The following FAM118A variants were observed in gnomAD, a reference collection of about 807,000 sequenced individuals.
FAM118A encodes protein FAM118A.
FAM118A carries 25 observed loss-of-function variants against 38.2 expected under a neutral mutation model. The observed-to-expected ratio is 0.65, with a 90% confidence interval of 0.48 to 0.91. The LOEUF is 0.91. Ranked by LOEUF, FAM118A falls within the 40% of genes least tolerant of loss-of-function variation. The pLI is 0.00. For missense variants in FAM118A, 425 were observed against 463.3 expected (o/e 0.92, Z 0.76); for synonymous variants, 178 against 184.1 (o/e 0.97, Z 0.27).
In FAM118A at chr22:45,335,332, C is replaced by G; in HGVS notation, c.938-18C>G. 1 of 1,614,206 alleles carries G rather than the reference C, an allele frequency of 6.2e-7. No individual in the cohort carries two copies. Among genetic ancestry groups the G allele is most frequent in the African/African-American group, 1.3e-5 (1 of 75,060 alleles). ...CTTGGTGTCTCGGCTCCACTGACTG[C>G]TTTTCTTTCTCCTTCAGATGCTGAT... On this transcript the variant is annotated intron_variant, in intron 6 of 8. Transcript: ENST00000441876.
chr22:45,326,157 G>C (rs1003942760), intron 3 of FAM118A, among the ~76,000 whole-genome samples: 6 of 152,072 alleles, frequency 3.9e-5, no homozygotes, highest in African/African-American at 7.2e-5. Context: ...AGGGGACCCT[G>C]TGTCCTCCTG....
chr22:45,336,789 G>A (rs1263925628), intron 8 of FAM118A, among the ~76,000 whole-genome samples: 4 of 152,340 alleles, frequency 2.6e-5, no homozygotes, highest in East Asian at 3.9e-4. Flanking sequence ...ATCACACGCA[G>A]TTGAGGAAGC....
chr22:45,311,563 T>G (rs547279866), intron 1 of FAM118A, among the ~76,000 whole-genome samples: 1 of 151,984 alleles, frequency 6.6e-6, no homozygotes, highest in South Asian at 2.1e-4. Flanking sequence ...AAAGAGGGTG[T>G]GATTCTGAGA....
At chr22:45,311,777 G>T (rs948279911) in intron 1 of FAM118A, among the ~76,000 whole-genome samples, 15 of 152,170 alleles carry the variant, frequency 9.9e-5, no homozygotes, top group African/African-American at 3.6e-4. Flanking sequence ...CAAGGCGGTG[G>T]TAGTGGGGGA....
intron 6 of FAM118A, among the ~76,000 whole-genome samples, 183 bp downstream of exon 6, chr22:45,332,893 G>A (rs1171956667): frequency 1.3e-5 from 2 of 151,962 alleles, no homozygotes; most frequent in Non-Finnish European, 2.9e-5. Flanking sequence ...ACAGGCATGC[G>A]CCACCATGCC....
chr22:45,309,667 G>T (rs1323004055), upstream of FAM118A: 1 of 152,326 alleles, frequency 6.6e-6, no homozygotes, highest in Non-Finnish European at 1.5e-5. Flanking sequence ...CTAGGACGCG[G>T]ACTCTAGGCC....
rs1156342681 is a variant in FAM118A, at chr22:45,322,953, C to G, written c.48-222C>G. On this transcript the variant is annotated intron_variant, in intron 2 of 8. Coordinates refer to ENST00000441876, the MANE Select transcript of FAM118A (RefSeq NM_017911.4). ...TAAAATGCATGAGACACAGCTGTCC[C>G]ACGTCCTTTAAGGAATAAGGGTAGA... Among the ~76,000 whole-genome samples, 3 of 152,076 alleles carry G rather than the reference C, an allele frequency of 2.0e-5. No individual in the cohort carries two copies. The South Asian group carries it at 6.2e-4, about 32-fold the overall frequency.
rs200881676 is a variant in FAM118A, at chr22:45,323,280, G to A, written c.153G>A (p.Ser51=). The change falls in exon 3 of 9, where the codon TCG becomes TCA. Residue 51 remains serine, a synonymous_variant. Transcript: ENST00000441876. The part of the protein sequence containing the change: ...AVAPGIPALC[S]WRSCIEAVIE... ...CCCCCGGAATCCCTGCCCTTTGCTC[G>A]TGGAGAAGCTGCATCGAGGCCGTCA... The A allele has an allele frequency of 4.2e-5, 68 of 1,614,086 alleles. No individual in the cohort carries two copies. The Admixed American group carries it at 4.7e-4, about 11-fold the overall frequency.
intron 1 of FAM118A, among the ~76,000 whole-genome samples, chr22:45,312,271 A>G (rs1343307433): frequency 6.6e-6 from 1 of 152,192 alleles, no homozygotes; most frequent in Non-Finnish European, 1.5e-5. Context: ...TTGAGGGCTC[A>G]GTCCCCCAAG....
chr22:45,314,228 TAACATGG>T (rs1398464767), intron 1 of FAM118A, among the ~76,000 whole-genome samples: 1 of 152,222 alleles, frequency 6.6e-6, no homozygotes, highest in Non-Finnish European at 1.5e-5. Context: ...CCCCCCAAGC[TAACATGG>T]ACAGTTGAAT....
intron 3 of FAM118A, among the ~76,000 whole-genome samples, chr22:45,326,102 C>G (rs896338482): frequency 7.9e-5 from 12 of 152,116 alleles, no homozygotes; most frequent in African/African-American, 2.7e-4. Context: ...TTTTGATACC[C>G]AGGTGCCGAG....
intron 5 of FAM118A, among the ~76,000 whole-genome samples, chr22:45,332,209 C>T (rs2085769212): frequency 6.6e-6 from 1 of 152,108 alleles, no homozygotes; most frequent in Non-Finnish European, 1.5e-5. Flanking sequence ...GCAGGCTCAG[C>T]CCAGCTTTGG....
At position 45,323,041 on chromosome 22, in the gene FAM118A, CTGTGTG is replaced by C. The variant is rs3041118; in HGVS notation, c.48-104_48-99del. Reference sequence around the variant, plus strand: ...CGTCTCCCCACAGCGTCAGAGGGGACTGTGTGTGTGTGTGTGTGTGTGTGTGTGTGT... The same window carrying C: ...CGTCTCCCCACAGCGTCAGAGGGGACTGTGTGTGTGTGTGTGTGTGTGTGT... On this transcript the variant is annotated intron_variant, in intron 2 of 8. Transcript: ENST00000441876. The C allele has an allele frequency of 3.7e-3, 2,470 of 659,504 alleles. 23 individuals are homozygous for C. Among genetic ancestry groups the C allele is most frequent in the African/African-American group, 0.031 (1,669 of 53,012 alleles). The allele number at this position is 659,504 out of a possible 1,614,324, so 40.9% of individuals were successfully genotyped here. A position where few individuals can be genotyped will look rare whatever the true frequency, so the allele number is the denominator to read the frequency against.
At chr22:45,319,567 A>T (rs1436509079) in intron 1 of FAM118A, among the ~76,000 whole-genome samples, 1 of 152,054 alleles carries the variant, frequency 6.6e-6, no homozygotes, top group Non-Finnish European at 1.5e-5. Flanking sequence ...AGCTTTCAAA[A>T]CTCGGCCCAT....
chr22:45,337,437 C>T (rs1340505554), intron 8 of FAM118A, among the ~76,000 whole-genome samples: 2 of 152,116 alleles, frequency 1.3e-5, no homozygotes, highest in African/African-American at 4.8e-5. Flanking sequence ...TTCCATTCTC[C>T]CATTTTTTAT....
In FAM118A at chr22:45,315,561, G is replaced by A. The variant is rs140080753; in HGVS notation, c.-10+5378G>A. On this transcript the variant is annotated intron_variant, in intron 1 of 8. Transcript: ENST00000441876. ...GCGTCTCCCTTGAATGTCTGCAGCAGCCCCGTCGGTGATGTGCATGTTGGG... is the reference window on the plus strand; with the variant it reads ...GCGTCTCCCTTGAATGTCTGCAGCAACCCCGTCGGTGATGTGCATGTTGGG... 1.1e-3 allele frequency among the ~76,000 whole-genome samples: 165 copies of A among 152,326 alleles called. 1 individual carries two copies. Among genetic ancestry groups the A allele is most frequent in the African/African-American group, 3.9e-3 (161 of 41,570 alleles).
chr22:45,337,883 G>C (rs1043742657), intron 8 of FAM118A: 3 of 985,266 alleles, frequency 3.0e-6, no homozygotes, highest in Non-Finnish European at 3.6e-6. Flanking sequence ...GGGATTCTCC[G>C]TTGTGATTCC....
At chr22:45,316,373 C>T (rs868641918) in intron 1 of FAM118A, among the ~76,000 whole-genome samples, 56 of 152,172 alleles carry the variant, frequency 3.7e-4, no homozygotes, top group Middle Eastern at 3.2e-3. Flanking sequence ...CACTCTTCTC[C>T]TCTCCCAAGC....
intron 8 of FAM118A, 96 bp from the exon 9 acceptor site, chr22:45,340,290 C>G (rs2086398858): frequency 1.8e-5 from 27 of 1,460,126 alleles, no homozygotes; most frequent in Non-Finnish European, 2.6e-5. Flanking sequence ...TACATAAGAA[C>G]AATTGTAAAG....
Sources: gnomAD v4.1 joint callset for allele counts (sites outside exome capture counted in the v4.1 genomes callset) on GRCh38, gnomAD v4.1.1 for gene constraint, MANE v1.5 for transcripts, NCBI Gene and HGNC (gene_info 2026-07-23, HGNC 2026-07-21) for gene names.